Variants in TMEM184A observed in about 807,000 individuals in gnomAD.
TMEM184A encodes the protein transmembrane protein 184A, also known as sexually dimorphic, expressed in male gonads 1.
In TMEM184A, 40 loss-of-function variants were observed where a neutral mutation model predicts 39.5. The observed-to-expected ratio is 1.01, with a 90% CI of 0.79 to 1.32. The LOEUF is 1.32. Ranked by LOEUF, TMEM184A falls within the 40% of genes most tolerant of loss-of-function variation. The probability of loss-of-function intolerance (pLI) is 0.00; values close to 1 mark genes in which losing one functional copy is unlikely to be tolerated. For synonymous variants in TMEM184A, 280 were observed against 252.3 expected (o/e 1.11, Z -1.04); for missense variants, 603 against 568.8 (o/e 1.06, Z -0.61).
At chr7:1,554,899 G>A (rs965736672) in intron 2 of TMEM184A, among the ~76,000 whole-genome samples, 4 of 152,196 alleles carry the variant, frequency 2.6e-5, no homozygotes, top group Non-Finnish European at 4.4e-5. Context: ...GCCTCTGGAA[G>A]GAGAAGGCCC....
rs1278503248 is a variant in TMEM184A at position 1,545,393 on chromosome 7, G to C, written c.*1559C>G. 1 of 152,868 alleles carries C rather than the reference G, an allele frequency of 6.5e-6. No homozygotes were observed. The highest frequency in any genetic ancestry group is 2.4e-5 in the African/African-American group (1 of 41,464). 9.5% of individuals were successfully genotyped at this position (152,868 alleles called of 1,614,324 possible). On this transcript the variant is annotated 3_prime_UTR_variant, in exon 9 of 9. Transcript: ENST00000297477. ...GGCCCTCTCTAGCCCGGACTCCACT[G>C]GTCTGTGCCCGCCCTGCTGAGTCCC...
In TMEM184A at chr7:1,547,021, G is replaced by GCCA. The variant is rs753450367; in HGVS notation, c.1172_1173insTGG (p.Gly392dup). 24 of 1,603,600 alleles carry GCCA rather than the reference G, an allele frequency of 1.5e-5. No homozygotes were observed. The African/African-American group carries it at 2.0e-4, about 13-fold the overall frequency. On this transcript the variant is annotated inframe_insertion, in exon 9 of 9. Transcript: ENST00000297477. ...GGCTCTTCCTGCTCCCGCCGGAGCC[G>GCCA]CCGCTGGGGTGGGTGCCGGGCCTGG... is the stretch of plus-strand genomic sequence containing the variant.
In TMEM184A at chr7:1,546,637, G is replaced by A. The variant is rs966047918; in HGVS notation, c.*315C>T. On this transcript the variant is annotated 3_prime_UTR_variant, in exon 9 of 9. Coordinates refer to ENST00000297477, the MANE Select transcript of TMEM184A (RefSeq NM_001097620.2). ...ATGGGGTCCGTGCAGCCAAGGCCCC[G>A]CAGCCACACTCACTCTCCGCCCCAC... The A allele has an allele frequency of 1.1e-4, 34 of 313,292 alleles. No individual in the cohort carries two copies. Among genetic ancestry groups the A allele is most frequent in the African/African-American group, 3.4e-4 (16 of 46,470 alleles). 19.4% of individuals were successfully genotyped at this position (313,292 alleles called of 1,614,324 possible).
chr7:1,555,446 G>A lies in TMEM184A; in HGVS notation c.39C>T (p.Val13=), dbSNP rs754567187. ...GCGGCCAGTTCGCTGACACCAGGGG[G>A]ACGCCGGCTGTCTCCAGGATCCCTG... ...NVSGILETAG[V]PLVSANWPQP... The change falls in exon 2 of 9, where the codon GTC becomes GTT. Residue 13 remains valine (V), a synonymous_variant. Coordinates refer to ENST00000297477, the MANE Select transcript of TMEM184A (RefSeq NM_001097620.2). This position sits in a 1 kb window ranked among gnomAD's most constrained non-coding sequence, Gnocchi z 5.2. 2 of 1,609,954 alleles carry A rather than the reference G, an allele frequency of 1.2e-6. No homozygotes were observed. Among genetic ancestry groups the A allele is most frequent in the East Asian group, 2.2e-5 (1 of 44,876 alleles).
chr7:1,555,241 G>A lies in TMEM184A; in HGVS notation c.219+25C>T, dbSNP rs1477483812. On this transcript the variant is annotated intron_variant, in intron 2 of 8. Coordinates refer to ENST00000297477, the MANE Select transcript of TMEM184A (RefSeq NM_001097620.2). This position sits in a 1 kb window ranked among gnomAD's most constrained non-coding sequence, Gnocchi z 5.2. Reference sequence around the variant, plus strand: ...TCCTGTGGAGACCAAGGTCCTGAAGGAGGCTCGGGGGCGGAAGGGCTTACC... The same window carrying A: ...TCCTGTGGAGACCAAGGTCCTGAAGAAGGCTCGGGGGCGGAAGGGCTTACC... The A allele has an allele frequency of 6.3e-7, 1 of 1,575,102 alleles. No individual in the cohort carries two copies. The highest frequency in any genetic ancestry group is 8.6e-7 in the Non-Finnish European group (1 of 1,161,190).
rs1784364393 is a variant in TMEM184A at position 1,546,900 on chromosome 7, C to T, written c.*52G>A. The T allele has an allele frequency of 3.1e-6, 4 of 1,304,340 alleles. No individual in the cohort carries two copies. The highest frequency in any genetic ancestry group is 2.7e-4 in the Middle Eastern group (1 of 3,642). The allele number at this position is 1,304,340 out of a possible 1,614,324, so 80.8% of individuals were successfully genotyped here. ...GGTGGGTGGGGGGACCCTGTTCTTCCCCAGAGGCCTGGGCAGCCTGGGTCC... is the reference window on the plus strand; with the variant it reads ...GGTGGGTGGGGGGACCCTGTTCTTCTCCAGAGGCCTGGGCAGCCTGGGTCC... On this transcript the variant is annotated 3_prime_UTR_variant, in exon 9 of 9. Coordinates refer to ENST00000297477, the MANE Select transcript of TMEM184A (RefSeq NM_001097620.2).
intron 6 of TMEM184A, 73 bp from the exon 7 acceptor site, chr7:1,548,761 G>A (rs1016026116): frequency 1.8e-5 from 28 of 1,532,834 alleles, no homozygotes; most frequent in African/African-American, 4.1e-5. Context: ...AGCCACCGCC[G>A]CTGCACCCTC....
rs530160449 is a variant in TMEM184A, at chr7:1,555,328, C to T, written c.157G>A (p.Ala53Thr). The change falls in exon 2 of 9, where the codon GCA (alanine) becomes ACA (threonine). Residue 53 changes from alanine to threonine, a missense_variant. Physicochemically the swap from Ala to Thr is moderately conservative, Grantham distance 58. Transcript: ENST00000297477. The surrounding 1 kb of genome is among the most constrained non-coding windows in gnomAD (Gnocchi z 5.2). ...QGAPWLFLTS[A>T]LARGVSGIFV... ...ATCCCCGAGACGCCTCGGGCCAGTG[C>T]GGAGGTGAGGAAGAGCCAGGGGGCC... 101 of 1,610,080 alleles carry T rather than the reference C, an allele frequency of 6.3e-5. No individual in the cohort carries two copies. The highest frequency in any genetic ancestry group is 2.9e-4 in the East Asian group (13 of 44,776).
chr7:1,549,870 G>C lies in TMEM184A; in HGVS notation c.628C>G (p.His210Asp), dbSNP rs758920204. 1.2e-5 allele frequency: 20 copies of C among 1,609,046 alleles called. No individual in the cohort carries two copies. Among genetic ancestry groups the C allele is most frequent in the Admixed American group, 1.0e-4 (6 of 59,370 alleles). ...TIILQAFGKY[H>D]DGDFNVRSGY... ...CCGCCTTACTTGAAGTCCCCGTCGT[G>C]GTATTTGCCAAATGCCTGGAGGATG... The change falls in exon 6 of 9, where the codon CAC becomes GAC. Residue 210 changes from histidine (H) to aspartate (D), a missense_variant. Coordinates refer to ENST00000297477, the MANE Select transcript of TMEM184A (RefSeq NM_001097620.2).
At chr7:1,552,678 G>A (rs185810935) in intron 2 of TMEM184A, among the ~76,000 whole-genome samples, 1 of 152,104 alleles carries the variant, frequency 6.6e-6, no homozygotes, top group Non-Finnish European at 1.5e-5. Flanking sequence ...CCGGTCCTGG[G>A]CTGGGCAGAC....
chr7:1,547,226 C>A, intron 8 of TMEM184A, 45 bp from the exon 9 acceptor site: 1 of 1,188,750 alleles, frequency 8.4e-7, no homozygotes, highest in Admixed American at 2.0e-5. Flanking sequence ...CCCTGCACTC[C>A]AGCTCCCCGG....
In TMEM184A at chr7:1,545,662, C is replaced by G. The variant is rs902218936; in HGVS notation, c.*1290G>C. 2.0e-5 allele frequency: 3 copies of G among 152,522 alleles called. No homozygotes were observed. The highest frequency in any genetic ancestry group is 7.2e-5 in the African/African-American group (3 of 41,460). 9.4% of individuals were successfully genotyped at this position (152,522 alleles called of 1,614,324 possible). On this transcript the variant is annotated 3_prime_UTR_variant, in exon 9 of 9. Coordinates refer to ENST00000297477, the MANE Select transcript of TMEM184A (RefSeq NM_001097620.2). ...CCTGCAGGCCGGGTCACCGTACTGTCCCCTGACGGGCCCTGGGCCTGGGGG... is the reference window on the plus strand; with the variant it reads ...CCTGCAGGCCGGGTCACCGTACTGTGCCCTGACGGGCCCTGGGCCTGGGGG...
chr7:1,555,187 CA>C lies in TMEM184A; in HGVS notation c.219+78del. 8.0e-7 allele frequency: 1 copy of C among 1,253,384 alleles called. No individual in the cohort carries two copies. Among genetic ancestry groups the C allele is most frequent in the East Asian group, 2.5e-5 (1 of 39,414 alleles). The allele number at this position is 1,253,384 out of a possible 1,614,324, so 77.6% of individuals were successfully genotyped here. ...TGACAGCGTCTATAGCAGCGGCACC[CA>C]GGGGGACCGGGCTGAGCCACGGCCA... is the stretch of plus-strand genomic sequence containing the variant. On this transcript the variant is annotated intron_variant, in intron 2 of 8. Transcript: ENST00000297477. This position sits in a 1 kb window ranked among gnomAD's most constrained non-coding sequence, Gnocchi z 5.2.
At position 1,547,058 on chromosome 7, in the gene TMEM184A, G is replaced by C; in HGVS notation, c.1136C>G (p.Thr379Arg). 3.7e-6 allele frequency: 6 copies of C among 1,609,046 alleles called. No homozygotes were observed. The highest frequency in any genetic ancestry group is 5.1e-6 in the Non-Finnish European group (6 of 1,179,572). ...PAYQHYTQQATHEAPRPGTHP... is the reference protein window; with the variant it reads ...PAYQHYTQQARHEAPRPGTHP... ...GGTGCCGGGCCTGGGCGCCTCGTGCGTGGCCTGCTGCGTGTAGTGCTGGTA... is the reference window on the plus strand; with the variant it reads ...GGTGCCGGGCCTGGGCGCCTCGTGCCTGGCCTGCTGCGTGTAGTGCTGGTA... Residue 379 changes from threonine to arginine, a missense_variant, in exon 9 of 9, where the codon ACG (threonine) becomes AGG (arginine). By Grantham distance (71) the Thr-to-Arg change is moderately conservative. Coordinates refer to ENST00000297477, the MANE Select transcript of TMEM184A (RefSeq NM_001097620.2).
chr7:1,555,946 T>G lies in TMEM184A; in HGVS notation c.-1+168A>C. On this transcript the variant is annotated intron_variant, in intron 1 of 8. Coordinates refer to ENST00000297477, the MANE Select transcript of TMEM184A (RefSeq NM_001097620.2). The surrounding 1 kb of genome is among the most constrained non-coding windows in gnomAD (Gnocchi z 5.2). ...GCCGGCCCTCACTGGCTCTGGGACCTGTCCACCCACCTGGGAGCCCGGCTT... is the reference window on the plus strand; with the variant it reads ...GCCGGCCCTCACTGGCTCTGGGACCGGTCCACCCACCTGGGAGCCCGGCTT... 4.5e-6 allele frequency: 1 copy of G among 221,186 alleles called. No homozygotes were observed. The allele number at this position is 221,186 out of a possible 1,614,324, so 13.7% of individuals were successfully genotyped here.
chr7:1,548,602 G>A lies in TMEM184A; in HGVS notation c.731C>T (p.Thr244Ile), dbSNP rs766710332. ...GAAGGGCCGCAGGAGCTCCCTGGTG[G>A]TGAAGTAGAAGAGGAACAGGGCGTA... ...ALYALFLFYFTTRELLRPFQP... is the reference protein window; with the variant it reads ...ALYALFLFYFITRELLRPFQP... The change falls in exon 7 of 9, where the codon ACC becomes ATC. Residue 244 changes from threonine to isoleucine, a missense_variant. Transcript: ENST00000297477. 1 of 1,613,942 alleles carries A rather than the reference G, an allele frequency of 6.2e-7. No homozygotes were observed. The highest frequency in any genetic ancestry group is 1.1e-5 in the South Asian group (1 of 91,084).
At position 1,546,868 on chromosome 7, in the gene TMEM184A, A is replaced by G. The variant is rs1784362896; in HGVS notation, c.*84T>C. The G allele has an allele frequency of 3.2e-6, 3 of 925,342 alleles. No individual in the cohort carries two copies. Among genetic ancestry groups the G allele is most frequent in the Non-Finnish European group, 4.7e-6 (3 of 638,150 alleles). The allele number at this position is 925,342 out of a possible 1,614,324, so 57.3% of individuals were successfully genotyped here. ...TCTCAGGAGAGGCCCCACCTTTGGC[A>G]GGAGTTGGTGGGTGGGGGGACCCTG... On this transcript the variant is annotated 3_prime_UTR_variant, in exon 9 of 9. Coordinates refer to ENST00000297477, the MANE Select transcript of TMEM184A (RefSeq NM_001097620.2).
chr7:1,549,356 G>C, intron 6 of TMEM184A: 1 of 394,860 alleles, frequency 2.5e-6, no homozygotes, highest in African/African-American at 2.1e-5. Flanking sequence ...GTGGACCTTC[G>C]CAGGGGTCCT....
Position 1,555,499 on chromosome 7 carries a change from A to T in TMEM184A, c.1-15T>A, listed in dbSNP as rs764779995. ...ACATTACTCATCTGCAGAGGGAGGGAGGACACACACCGGGAGGAGTGAGGG... is the reference window on the plus strand; with the variant it reads ...ACATTACTCATCTGCAGAGGGAGGGTGGACACACACCGGGAGGAGTGAGGG... On this transcript the variant is annotated splice_polypyrimidine_tract_variant and intron_variant, in intron 1 of 8. Transcript: ENST00000297477. The surrounding 1 kb of genome is among the most constrained non-coding windows in gnomAD (Gnocchi z 5.2). 27 of 1,594,306 alleles carry T rather than the reference A, an allele frequency of 1.7e-5. No homozygotes were observed. Among genetic ancestry groups the T allele is most frequent in the Non-Finnish European group, 2.1e-5 (25 of 1,173,852 alleles).
Sources: gnomAD v4.1 joint callset for allele counts (sites outside exome capture counted in the v4.1 genomes callset) on GRCh38, gnomAD v4.1.1 for gene constraint, Gnocchi (gnomAD v3.1) non-coding constraint, MANE v1.5 for transcripts, NCBI Gene and HGNC (gene_info 2026-07-23, HGNC 2026-07-21) for gene names.